Variants in NMBR observed in about 807,000 individuals in gnomAD.
NMBR encodes neuromedin-B receptor.
Under a neutral mutation model 20.5 loss-of-function variants are expected in NMBR, and 16 were observed. The ratio of observed to expected loss-of-function variants is 0.78; its 90% CI spans 0.53 to 1.19. NMBR has a LOEUF of 1.19. NMBR is among the 50% of genes most tolerant of loss of function. The pLI is 0.00. For missense variants in NMBR, 582 were observed against 499.1 expected (o/e 1.17, Z -1.58); for synonymous variants, 212 against 196.6 (o/e 1.08, Z -0.65).
At chr6:142,129,070 A>C (rs962636430) in intron 1 of NMBR, among the ~76,000 whole-genome samples, 2 of 151,146 alleles carry the variant, frequency 1.3e-5, no homozygotes, top group Non-Finnish European at 3.0e-5. Context: ...ATTTTTATTT[A>C]TTTTGATCCT....
intron 1 of NMBR, among the ~76,000 whole-genome samples, chr6:142,113,884 A>C (rs1777811304): frequency 6.6e-6 from 1 of 152,190 alleles, no homozygotes; most frequent in Non-Finnish European, 1.5e-5. Flanking sequence ...CTAGGCTTTG[A>C]CATTTTGTAA....
intron 1 of NMBR, among the ~76,000 whole-genome samples, chr6:142,122,671 A>AT (rs907505775): frequency 6.6e-6 from 1 of 151,884 alleles, no homozygotes; most frequent in Non-Finnish European, 1.5e-5. Context: ...TGGAGCTAAT[A>AT]TTCATTTGGA....
At chr6:142,108,399 A>G (rs942175444) in intron 1 of NMBR, among the ~76,000 whole-genome samples, 1 of 152,226 alleles carries the variant, frequency 6.6e-6, no homozygotes, top group Non-Finnish European at 1.5e-5. Context: ...ACACTGCTAT[A>G]AAGAAATACC....
chr6:142,108,140 A>G (rs1418049927), intron 1 of NMBR, among the ~76,000 whole-genome samples: 1 of 152,184 alleles, frequency 6.6e-6, no homozygotes, highest in African/African-American at 2.4e-5. Context: ...GAAGTAGAGG[A>G]CAAAAAGGAA....
chr6:142,133,261 G>T (rs1778177932), intron 1 of NMBR: 1 of 575,546 alleles, frequency 1.7e-6, no homozygotes, highest in African/African-American at 1.9e-5. Flanking sequence ...ACCCTGAATT[G>T]CATAAGTCTT....
intron 2 of NMBR, among the ~76,000 whole-genome samples, chr6:142,080,406 G>T (rs1371755305): frequency 1.3e-5 from 2 of 149,802 alleles, no homozygotes; most frequent in Non-Finnish European, 3.0e-5. Flanking sequence ...CACCTCCCAG[G>T]TTCAAGCAAT....
chr6:142,081,088 T>A (rs1220453492), intron 2 of NMBR, among the ~76,000 whole-genome samples: 2 of 151,886 alleles, frequency 1.3e-5, no homozygotes, highest in East Asian at 1.9e-4. Flanking sequence ...CTGGTGAGAG[T>A]CCCCCTTTTT....
chr6:142,126,914 T>C (rs1582859678), intron 1 of NMBR, among the ~76,000 whole-genome samples: 1 of 151,644 alleles, frequency 6.6e-6, no homozygotes, highest in Non-Finnish European at 1.5e-5. Flanking sequence ...TATTTAGTTT[T>C]GGTTTTGAAG....
chr6:142,085,406 C>G lies in NMBR; in HGVS notation c.422+2831G>C, dbSNP rs1478066545. 2.0e-5 allele frequency among the ~76,000 whole-genome samples: 3 copies of G among 152,230 alleles called. No homozygotes were observed. In the East Asian group the frequency reaches 5.8e-4, roughly 29 times the overall value. ...AGGCATAGTGGCGTGTGCCTGTAAT[C>G]TCAGCTACTCAGGAGGTTGAGGCAG... is the stretch of plus-strand genomic sequence containing the variant. On this transcript the variant is annotated intron_variant, in intron 2 of 3. Transcript: ENST00000258042.
intron 1 of NMBR, among the ~76,000 whole-genome samples, chr6:142,129,294 G>A (rs187632564): frequency 2.5e-4 from 38 of 152,054 alleles, no homozygotes; most frequent in African/African-American, 7.5e-4. Flanking sequence ...ATCTGAGCTC[G>A]CCTTCCCTCC....
chr6:142,101,084 G>A (rs1777552758), intron 1 of NMBR, among the ~76,000 whole-genome samples: 2 of 152,158 alleles, frequency 1.3e-5, no homozygotes, highest in South Asian at 4.1e-4. Context: ...GAGATTTACG[G>A]ACAGAAAAAG....
intron 1 of NMBR, among the ~76,000 whole-genome samples, chr6:142,091,058 A>G (rs2114569461): frequency 6.6e-6 from 1 of 152,288 alleles, no homozygotes; most frequent in African/African-American, 2.4e-5. Context: ...AGTGAAGAAT[A>G]TAATGAATAT....
At chr6:142,110,166 A>G (rs1269927078) in intron 1 of NMBR, among the ~76,000 whole-genome samples, 1 of 152,208 alleles carries the variant, frequency 6.6e-6, no homozygotes, top group Non-Finnish European at 1.5e-5. Flanking sequence ...CAGTCTGGCC[A>G]TTCCTCATAA....
At chr6:142,100,831 C>T (rs1295317006) in intron 1 of NMBR, among the ~76,000 whole-genome samples, 2 of 152,158 alleles carry the variant, frequency 1.3e-5, no homozygotes, top group Non-Finnish European at 2.9e-5. Context: ...ATACTTTCTT[C>T]TTAATTTTGC....
intron 1 of NMBR, among the ~76,000 whole-genome samples, chr6:142,136,294 C>G (rs1778252822): frequency 6.6e-6 from 1 of 152,152 alleles, no homozygotes; most frequent in African/African-American, 2.4e-5. Flanking sequence ...TAAATGTCTT[C>G]TTTTGAGAAG....
intron 1 of NMBR, among the ~76,000 whole-genome samples, chr6:142,142,157 A>T (rs1778371857): frequency 6.6e-6 from 1 of 152,212 alleles, no homozygotes; most frequent in Non-Finnish European, 1.5e-5. Flanking sequence ...ATAAACAAAA[A>T]ATATGACTTA....
intron 2 of NMBR, among the ~76,000 whole-genome samples, chr6:142,084,847 CT>C (rs1228087484): frequency 5.9e-5 from 9 of 152,120 alleles, no homozygotes; most frequent in African/African-American, 2.2e-4. Flanking sequence ...CGCCACCAAC[CT>C]GATGTCACAG....
rs1361538081 is a variant in NMBR at position 142,096,212 on chromosome 6, T to C, written c.-663-6891A>G. Among the ~76,000 whole-genome samples, 19 of 152,278 alleles carry C rather than the reference T, an allele frequency of 1.2e-4. No homozygotes were observed. In the East Asian group the frequency reaches 3.3e-3, roughly 26 times the overall value. On this transcript the variant is annotated intron_variant, in intron 1 of 3. Transcript: ENST00000258042. ...TCTGCTAGCTTTTAAATGTGTTTGC[T>C]CTTGTTTCTCTAGTTCTTTTAATTG...
chr6:142,077,672 C>G (rs980100063), intron 3 of NMBR, among the ~76,000 whole-genome samples: 1 of 152,178 alleles, frequency 6.6e-6, no homozygotes, highest in Non-Finnish European at 1.5e-5. Context: ...TGCTAACATG[C>G]CCAAGGCCCC....
Sources: allele counts gnomAD v4.1 joint callset (sites outside exome capture counted in the v4.1 genomes callset), GRCh38; gene constraint gnomAD v4.1.1; transcripts MANE v1.5; gene names NCBI Gene and HGNC (gene_info 2026-07-23, HGNC 2026-07-21).